Variants in ZSWIM6 observed in about 807,000 individuals in gnomAD.
ZSWIM6 encodes the protein zinc finger SWIM domain-containing protein 6.
In ZSWIM6, 9 loss-of-function variants were observed where a neutral mutation model predicts 113.2. That is an observed-to-expected ratio of 0.08 (90% CI 0.05 to 0.14). The LOEUF is 0.14. ZSWIM6 is among the 10% of genes least tolerant of loss of function. ZSWIM6 has a pLI of 1.00. For synonymous variants in ZSWIM6, 611 were observed against 606.5 expected, an observed-to-expected ratio of 1.01 and a Z score of -0.11; for missense variants, 1,162 against 1,552.2, an observed-to-expected ratio of 0.75 and a Z score of 4.22.
intron 7 of ZSWIM6, among the ~76,000 whole-genome samples, chr5:61,527,338 G>T (rs1205311326): frequency 2.0e-5 from 3 of 151,994 alleles, no homozygotes; most frequent in Non-Finnish European, 4.4e-5. Context: ...CTGGGTTTTT[G>T]TTTTGGTTTT....
chr5:61,397,836 A>G (rs1745873138), intron 1 of ZSWIM6, among the ~76,000 whole-genome samples: 1 of 152,176 alleles, frequency 6.6e-6, no homozygotes, highest in South Asian at 2.1e-4. Context: ...CCACGTTGAG[A>G]GGGAACAGAA....
chr5:61,341,955 C>T (rs1744559909), intron 1 of ZSWIM6, among the ~76,000 whole-genome samples: 1 of 140,244 alleles, frequency 7.1e-6, no homozygotes. Flanking sequence ...TCTCAGCTTA[C>T]TGCAGCCTCT....
At chr5:61,530,008 C>G (rs1749387821) in intron 7 of ZSWIM6, 44 bp from the exon 8 acceptor site, 1 of 1,476,950 alleles carries the variant, frequency 6.8e-7, no homozygotes, top group Non-Finnish European at 9.1e-7. Context: ...TTCCCTTCAT[C>G]TCCCTTCTAC....
chr5:61,492,408 G>A (rs1035525028), intron 3 of ZSWIM6, among the ~76,000 whole-genome samples: 1 of 152,024 alleles, frequency 6.6e-6, no homozygotes, highest in African/African-American at 2.4e-5. Context: ...TTTGGAATTA[G>A]CTTAACTTGA....
intron 1 of ZSWIM6, among the ~76,000 whole-genome samples, chr5:61,452,885 G>C (rs993890469): frequency 6.6e-6 from 1 of 152,146 alleles, no homozygotes; most frequent in African/African-American, 2.4e-5. Flanking sequence ...CAACTTATCT[G>C]TCTTTCCTTG....
At chr5:61,352,712 C>T (rs1744817130) in intron 1 of ZSWIM6, among the ~76,000 whole-genome samples, 1 of 152,186 alleles carries the variant, frequency 6.6e-6, no homozygotes, top group South Asian at 2.1e-4. Context: ...ACAGTAAGTA[C>T]TTTATCAAGG....
chr5:61,347,922 A>T (rs1051979452), intron 1 of ZSWIM6, among the ~76,000 whole-genome samples: 42 of 151,996 alleles, frequency 2.8e-4, no homozygotes, highest in African/African-American at 9.9e-4. Flanking sequence ...TTTTTGAATT[A>T]AAAAAAAGCA....
At chr5:61,541,165 A>G (rs1749726343) in intron 12 of ZSWIM6, among the ~76,000 whole-genome samples, 1 of 151,980 alleles carries the variant, frequency 6.6e-6, no homozygotes, top group Admixed American at 6.6e-5. Flanking sequence ...GCTGGTCTCA[A>G]ACTCCTGACC....
At position 61,543,932 on chromosome 5, in the gene ZSWIM6, C is replaced by T. The variant is rs1418909433; in HGVS notation, c.3263C>T (p.Ala1088Val). 1 of 1,551,756 alleles carries T rather than the reference C, an allele frequency of 6.4e-7. No individual in the cohort carries two copies. Among genetic ancestry groups the T allele is most frequent in the Non-Finnish European group, 8.7e-7 (1 of 1,147,036 alleles). The change falls in exon 14 of 14, where the codon GCA becomes GTA. Residue 1088 changes from alanine (A) to valine (V), a missense_variant. Transcript: ENST00000252744. This position sits in a 1 kb window ranked among gnomAD's most constrained non-coding sequence, Gnocchi z 4.3. ...CACTCCCTTGGTAAAAATGAGCTTG[C>T]AGCTATAATACCTCTGGTGGTCAAG... ...LSHSLGKNEL[A>V]AIIPLVVKSV...
intron 1 of ZSWIM6, among the ~76,000 whole-genome samples, chr5:61,379,185 GAAAAAA>G (rs1211778480): frequency 1.3e-4 from 5 of 38,590 alleles, no homozygotes; most frequent in East Asian, 7.8e-4. Flanking sequence ...TCCTGTCTCT[GAAAAAA>G]AAAAAAAAAA....
At chr5:61,469,625 G>A (rs1414536524) in intron 1 of ZSWIM6, among the ~76,000 whole-genome samples, 1 of 152,118 alleles carries the variant, frequency 6.6e-6, no homozygotes, top group Non-Finnish European at 1.5e-5. Context: ...GACTTGTACT[G>A]TATAACTCAT....
In ZSWIM6 at chr5:61,542,001, C is replaced by T. The variant is rs755823837; in HGVS notation, c.2785+36C>T. The T allele has an allele frequency of 5.3e-6, 8 of 1,519,470 alleles. No individual in the cohort carries two copies. In the South Asian group the frequency reaches 8.4e-5, roughly 16 times the overall value. 94.1% of individuals were successfully genotyped at this position (1,519,470 alleles called of 1,614,324 possible). On this transcript the variant is annotated intron_variant, in intron 13 of 13. Coordinates refer to ENST00000252744, the MANE Select transcript of ZSWIM6 (RefSeq NM_020928.2). ...TCTGGAACAGAAGCTTTCCTAGGTG[C>T]CTCATGGTAGGATTTAACTTGTCAG...
At chr5:61,481,245 CA>C (rs1747854813) in intron 2 of ZSWIM6, among the ~76,000 whole-genome samples, 2 of 152,166 alleles carry the variant, frequency 1.3e-5, no homozygotes, top group African/African-American at 4.8e-5. Context: ...GCACCAGACA[CA>C]GCATAAGCCA....
chr5:61,442,403 G>T (rs1746859382), intron 1 of ZSWIM6, among the ~76,000 whole-genome samples: 1 of 152,144 alleles, frequency 6.6e-6, no homozygotes, highest in African/African-American at 2.4e-5. Flanking sequence ...GCTGCTTCAT[G>T]CTTAGGAGGG....
At chr5:61,453,825 A>G (rs1561243806) in intron 1 of ZSWIM6, among the ~76,000 whole-genome samples, 1 of 151,894 alleles carries the variant, frequency 6.6e-6, no homozygotes, top group Non-Finnish European at 1.5e-5. Flanking sequence ...TAATTTGTAT[A>G]TATATGCTAA....
At chr5:61,488,343 A>G (rs761258294) in intron 2 of ZSWIM6, among the ~76,000 whole-genome samples, 1 of 151,852 alleles carries the variant, frequency 6.6e-6, no homozygotes, top group African/African-American at 2.4e-5. Context: ...GTCCTTGTCT[A>G]GTTTTGGTAC....
intron 1 of ZSWIM6, among the ~76,000 whole-genome samples, chr5:61,372,315 A>G (rs1043517784): frequency 3.3e-5 from 5 of 151,166 alleles, no homozygotes; most frequent in African/African-American, 4.9e-5. Context: ...AAATTTCTTC[A>G]AAGAGTGATC....
chr5:61,339,112 A>T (rs1482813937), intron 1 of ZSWIM6, among the ~76,000 whole-genome samples: 2 of 152,222 alleles, frequency 1.3e-5, no homozygotes, highest in East Asian at 3.8e-4. Context: ...ACGGTTAAGA[A>T]TGTGTGATTT....
intron 9 of ZSWIM6, among the ~76,000 whole-genome samples, chr5:61,535,010 C>G (rs1272653925): frequency 6.6e-6 from 1 of 152,158 alleles, no homozygotes; most frequent in South Asian, 2.1e-4. Context: ...ACACCTCTCA[C>G]CCCTGATACA....
Sources: gnomAD v4.1 joint callset for allele counts (sites outside exome capture counted in the v4.1 genomes callset) on GRCh38, gnomAD v4.1.1 for gene constraint, Gnocchi (gnomAD v3.1) non-coding constraint, MANE v1.5 for transcripts, NCBI Gene and HGNC (gene_info 2026-07-23, HGNC 2026-07-21) for gene names.